Variants in PTPRD observed in about 807,000 individuals in gnomAD.
The protein encoded by PTPRD is protein tyrosine phosphatase receptor type D.
PTPRD carries 34 observed loss-of-function variants against 214.5 expected under a neutral mutation model. That is an observed-to-expected ratio of 0.16 (90% CI 0.12 to 0.21). The LOEUF is 0.21. Ranked by LOEUF, PTPRD falls within the 10% of genes least tolerant of loss-of-function variation. PTPRD has a pLI of 1.00. For missense variants in PTPRD, 2,545 were observed against 2,398.7 expected (o/e 1.06, Z -1.27); for synonymous variants, 1,128 against 845.7 (o/e 1.33, Z -5.79).
At chr9:10,085,652 A>G (rs1195359204) in intron 3 of PTPRD, among the ~76,000 whole-genome samples, 1 of 151,714 alleles carries the variant, frequency 6.6e-6, no homozygotes, top group Admixed American at 6.6e-5. Flanking sequence ...CTGCCTGTGC[A>G]TGCCTCCCAT....
In PTPRD at chr9:10,493,985, T is replaced by A. The variant is rs183079649; in HGVS notation, c.-600+118413A>T. 3.3e-4 allele frequency among the ~76,000 whole-genome samples: 50 copies of A among 152,064 alleles called. No individual in the cohort carries two copies. In the East Asian group the frequency reaches 7.0e-3, roughly 21 times the overall value. On this transcript the variant is annotated intron_variant, in intron 2 of 45. Coordinates refer to ENST00000381196, the MANE Select transcript of PTPRD (RefSeq NM_002839.4). ...TTTGACATACTGTATTCAACATTAA[T>A]CTTTATGTTTCTTATCTTAGCATAA... is the stretch of plus-strand genomic sequence containing the variant.
intron 8 of PTPRD, among the ~76,000 whole-genome samples, chr9:9,554,747 C>T (rs554294878): frequency 1.3e-5 from 2 of 152,104 alleles, no homozygotes; most frequent in South Asian, 2.1e-4. Flanking sequence ...GCAGAGGAAA[C>T]GTCAACACTT....
intron 12 of PTPRD, among the ~76,000 whole-genome samples, chr9:8,638,100 CTTCT>C (rs778268011): frequency 1.5e-5 from 2 of 134,196 alleles, no homozygotes; most frequent in Admixed American, 7.3e-5. Flanking sequence ...TTTGCTGTTC[CTTCT>C]TTTTTTTTTT....
chr9:8,555,411 A>G (rs2083426619), intron 14 of PTPRD, among the ~76,000 whole-genome samples: 1 of 152,204 alleles, frequency 6.6e-6, no homozygotes, highest in Non-Finnish European at 1.5e-5. Context: ...AAAAAGACTA[A>G]AAGGGAGTAA....
At chr9:10,567,508 GAC>G (rs1425533354) in intron 2 of PTPRD, among the ~76,000 whole-genome samples, 1 of 152,028 alleles carries the variant, frequency 6.6e-6, no homozygotes, top group African/African-American at 2.4e-5. Context: ...TATTTTGAAA[GAC>G]AATCTGAAGC....
intron 11 of PTPRD, among the ~76,000 whole-genome samples, chr9:8,999,213 C>T (rs1014024363): frequency 2.0e-5 from 3 of 151,950 alleles, no homozygotes; most frequent in African/African-American, 7.3e-5. Context: ...TATCAAACAC[C>T]ATCACACACA....
rs562735431 is a variant in PTPRD at position 9,361,038 on chromosome 9, G to A, written c.-203+36411C>T. ...ATGGCCAAATATTTTCAGTCCTGAG[G>A]TTCTCAATATATTGCATATAAAGGG... On this transcript the variant is annotated intron_variant, in intron 9 of 45. Transcript: ENST00000381196. Among the ~76,000 whole-genome samples, 3 of 151,154 alleles carry A rather than the reference G, an allele frequency of 2.0e-5. No individual in the cohort carries two copies. In the East Asian group the frequency reaches 5.9e-4, roughly 30 times the overall value.
At chr9:9,666,520 CCAAAA>C (rs2096725478) in intron 7 of PTPRD, among the ~76,000 whole-genome samples, 3 of 151,896 alleles carry the variant, frequency 2.0e-5, no homozygotes. Flanking sequence ...CTCAATTTTA[CCAAAA>C]CAATGACAAA....
chr9:10,550,220 T>C (rs761250410), intron 2 of PTPRD, among the ~76,000 whole-genome samples: 4 of 152,198 alleles, frequency 2.6e-5, no homozygotes, highest in Non-Finnish European at 5.9e-5. Context: ...TATCCACAAG[T>C]CCCCTTTGCT....
chr9:8,955,719 C>T (rs548397962), intron 11 of PTPRD, among the ~76,000 whole-genome samples: 6 of 151,782 alleles, frequency 4.0e-5, no homozygotes, highest in South Asian at 2.1e-4. Context: ...TTTGAAACAT[C>T]GGAATTTGAA....
At chr9:8,566,140 GTA>G (rs1554806814) in intron 14 of PTPRD, among the ~76,000 whole-genome samples, 2 of 149,278 alleles carry the variant, frequency 1.3e-5, no homozygotes, top group African/African-American at 4.9e-5. Flanking sequence ...GTGTGTGTGT[GTA>G]TAGCAAGTTT....
intron 8 of PTPRD, among the ~76,000 whole-genome samples, chr9:9,520,305 T>C (rs994748567): frequency 3.4e-5 from 4 of 116,180 alleles, no homozygotes; most frequent in African/African-American, 1.1e-4. Context: ...ATATATTAAG[T>C]TATATATATA....
At chr9:9,943,455 G>A (rs931914744) in intron 4 of PTPRD, among the ~76,000 whole-genome samples, 1 of 152,138 alleles carries the variant, frequency 6.6e-6, no homozygotes, top group African/African-American at 2.4e-5. Context: ...GAAATACTAT[G>A]TGTAGTGTTC....
At chr9:8,899,743 A>C (rs1217232704) in intron 11 of PTPRD, among the ~76,000 whole-genome samples, 4 of 152,266 alleles carry the variant, frequency 2.6e-5, no homozygotes, top group African/African-American at 9.6e-5. Context: ...GGGATTGCTA[A>C]ATTTCGCCCA....
At chr9:10,386,700 G>GAC (rs983775411) in intron 2 of PTPRD, among the ~76,000 whole-genome samples, 16 of 151,066 alleles carry the variant, frequency 1.1e-4, no homozygotes, top group African/African-American at 3.9e-4. Context: ...ACAAAAAACA[G>GAC]AGAGAGAGAG....
At chr9:10,228,631 C>G (rs1032545621) in intron 3 of PTPRD, among the ~76,000 whole-genome samples, 34 of 151,282 alleles carry the variant, frequency 2.2e-4, no homozygotes, top group Non-Finnish European at 4.4e-5. Context: ...TTTTTTTCAC[C>G]TGCTCTATCT....
intron 7 of PTPRD, among the ~76,000 whole-genome samples, chr9:9,657,422 G>C (rs528012934): frequency 6.6e-6 from 1 of 152,064 alleles, no homozygotes; most frequent in Non-Finnish European, 1.5e-5. Context: ...TGGACACAGG[G>C]AGGAGAACAT....
intron 7 of PTPRD, among the ~76,000 whole-genome samples, chr9:9,635,449 G>C (rs2095733126): frequency 6.6e-6 from 1 of 152,128 alleles, no homozygotes; most frequent in South Asian, 2.1e-4. Context: ...CTTCTGGCTG[G>C]ACACTCAATG....
At chr9:8,949,018 G>C (rs983527353) in intron 11 of PTPRD, among the ~76,000 whole-genome samples, 1 of 151,990 alleles carries the variant, frequency 6.6e-6, no homozygotes, top group African/African-American at 2.4e-5. Context: ...GAGTTTAGGA[G>C]TTTGAGACCA....
Sources: allele counts gnomAD v4.1 joint callset (sites outside exome capture counted in the v4.1 genomes callset), GRCh38; gene constraint gnomAD v4.1.1; transcripts MANE v1.5; gene names NCBI Gene and HGNC (gene_info 2026-07-23, HGNC 2026-07-21).